The following FMO5 variants were observed in gnomAD, a reference collection of about 807,000 sequenced individuals.
FMO5 encodes the protein flavin containing dimethylaniline monoxygenase 5.
FMO5 carries 51 observed loss-of-function variants against 43.6 expected under a neutral mutation model. The observed-to-expected ratio is 1.17, with a 90% CI of 0.93 to 1.48. The LOEUF is 1.48. Among genes scored for constraint, FMO5 ranks in the 40% most tolerant of loss-of-function variants. FMO5 has a pLI of 0.00. For synonymous variants in FMO5, 187 were observed against 216.5 expected, an observed-to-expected ratio of 0.86 and a Z score of 1.20; for missense variants, 644 against 643.0, an observed-to-expected ratio of 1.00 and a Z score of -0.02.
chr1:147,213,151 T>C (rs1190222243), intron 4 of FMO5, among the ~76,000 whole-genome samples, 157 bp downstream of exon 4: 1 of 152,134 alleles, frequency 6.6e-6, no homozygotes, highest in African/African-American at 2.4e-5. Context: ...ATGGCAGTAA[T>C]ACAAGTTACC....
intron 6 of FMO5, among the ~76,000 whole-genome samples, chr1:147,208,102 T>G (rs1553922818): frequency 6.6e-6 from 1 of 152,204 alleles, no homozygotes; most frequent in African/African-American, 2.4e-5. Context: ...TGCATGTAAC[T>G]CATTTAGCAC....
At chr1:147,213,093 A>G (rs781998961) in intron 4 of FMO5, among the ~76,000 whole-genome samples, 2 of 152,226 alleles carry the variant, frequency 1.3e-5, no homozygotes, top group Non-Finnish European at 2.9e-5. Context: ...AAGTCATTGT[A>G]AAACTAAATA....
rs1553923091 is a variant in FMO5, at chr1:147,208,971, A to G, written c.711T>C (p.Ser237=). The G allele has an allele frequency of 6.2e-7, 1 of 1,613,580 alleles. No homozygotes were observed. Among genetic ancestry groups the G allele is most frequent in the South Asian group, 1.1e-5 (1 of 91,062 alleles). Residue 237 remains serine, a synonymous_variant, in exon 6 of 9, where the codon TCT becomes TCC. Transcript: ENST00000254090. ...TCCATATAAAATGTGTAAGTCGAGA[A>G]GAGAACAACACATCAGCAGGATATC... ...DYGYPADVLF[S]SRLTHFIWKI... is the part of the protein sequence containing the mutation.
intron 2 of FMO5, among the ~76,000 whole-genome samples, chr1:147,220,944 CAAA>C (rs11287039): frequency 7.3e-6 from 1 of 137,344 alleles, no homozygotes; most frequent in Non-Finnish European, 1.6e-5. Context: ...TTTAAGTTTC[CAAA>C]AAAAAAAAAA....
At chr1:147,188,630 A>C (rs1308305524) in intron 8 of FMO5, among the ~76,000 whole-genome samples, 2 of 151,786 alleles carry the variant, frequency 1.3e-5, no homozygotes, top group Admixed American at 6.6e-5. Context: ...CATATAAAAC[A>C]ATGTATACAC....
intron 4 of FMO5, among the ~76,000 whole-genome samples, chr1:147,212,919 A>T (rs1021868941): frequency 0.054 from 7,345 of 136,334 alleles, 266 homozygotes; most frequent in South Asian, 0.1. Context: ...TTTTTTTTTT[A>T]AAATGAAAAT....
intron 6 of FMO5, chr1:147,205,017 T>C (rs1219905182): frequency 4.0e-6 from 3 of 757,320 alleles, no homozygotes; most frequent in African/African-American, 1.7e-5. Flanking sequence ...AACCTGGAGA[T>C]ACATTCAGTC....
intron 6 of FMO5, among the ~76,000 whole-genome samples, chr1:147,201,811 G>A (rs1553921065): frequency 2.6e-5 from 4 of 152,142 alleles, no homozygotes; most frequent in Non-Finnish European, 5.9e-5. Context: ...AAGGCCACAG[G>A]TCAATAGTTT....
intron 7 of FMO5, 90 bp downstream of exon 7, chr1:147,201,062 A>G (rs1190651236): frequency 4.5e-6 from 4 of 887,676 alleles, no homozygotes; most frequent in Non-Finnish European, 5.3e-6. Context: ...GTAATCATAC[A>G]TGCTATCTCT....
chr1:147,224,836 C>T, intron 2 of FMO5, 59 bp downstream of exon 2: 1 of 1,534,024 alleles, frequency 6.5e-7, no homozygotes. Flanking sequence ...GATAAACTGT[C>T]GTATGCACCT....
At chr1:147,192,118 C>G (rs1486587447) in intron 7 of FMO5, among the ~76,000 whole-genome samples, 1 of 152,068 alleles carries the variant, frequency 6.6e-6, no homozygotes, top group Non-Finnish European at 1.5e-5. Flanking sequence ...GCCATTTTCA[C>G]GATATTGATT....
rs782121441 is a variant in FMO5 at position 147,187,066 on chromosome 1, C to A, written c.1436G>T (p.Gly479Val). 2 of 1,614,138 alleles carry A rather than the reference C, an allele frequency of 1.2e-6. No individual in the cohort carries two copies. Among genetic ancestry groups the A allele is most frequent in the Non-Finnish European group, 8.5e-7 (1 of 1,180,034 alleles). Residue 479 changes from glycine to valine, a missense_variant, in exon 9 of 9, where the codon GGA becomes GTA. Coordinates refer to ENST00000254090, the MANE Select transcript of FMO5 (RefSeq NM_001461.4). ...AGCTTTTCGAGCCCCATCCCACTTTCCAGGGCCCTGTACACGATAGTGGAT... is the reference window on the plus strand; with the variant it reads ...AGCTTTTCGAGCCCCATCCCACTTTACAGGGCCCTGTACACGATAGTGGAT... ...TPIHYRVQGP[G>V]KWDGARKAIL...
chr1:147,213,261 G>A (rs782601954), intron 4 of FMO5, 47 bp downstream of exon 4: 1 of 1,503,808 alleles, frequency 6.6e-7, no homozygotes, highest in South Asian at 1.3e-5. Flanking sequence ...TCAGGGGTCA[G>A]GTCACAGGCA....
chr1:147,207,208 G>A lies in FMO5; in HGVS notation c.830+1644C>T, dbSNP rs375507447. On this transcript the variant is annotated intron_variant, in intron 6 of 8. Transcript: ENST00000254090. ...TTTAAAGTGTCTTAATGACTGCAACGTACTCAAATGGTTTCAGAAAAAAAT... is the reference window on the plus strand; with the variant it reads ...TTTAAAGTGTCTTAATGACTGCAACATACTCAAATGGTTTCAGAAAAAAAT... Among the ~76,000 whole-genome samples the A allele has an allele frequency of 2.6e-5, 4 of 151,970 alleles. No individual in the cohort carries two copies. In the East Asian group the frequency reaches 5.8e-4, roughly 22 times the overall value.
chr1:147,213,917 T>C (rs1232713997), intron 3 of FMO5, among the ~76,000 whole-genome samples: 2 of 152,172 alleles, frequency 1.3e-5, no homozygotes, highest in African/African-American at 4.8e-5. Context: ...GCTATAGGGC[T>C]CCTTTTCCTG....
At chr1:147,205,998 A>C (rs1185108859) in intron 6 of FMO5, among the ~76,000 whole-genome samples, 1 of 151,954 alleles carries the variant, frequency 6.6e-6, no homozygotes, top group Non-Finnish European at 1.5e-5. Context: ...AATGGGAGAA[A>C]ATTTTTGCAA....
At chr1:147,204,783 A>G in intron 6 of FMO5, 3 of 1,584,138 alleles carry the variant, frequency 1.9e-6, no homozygotes, top group East Asian at 2.2e-5. Context: ...TTTTCATTCC[A>G]TTTCGTCCAT....
intron 7 of FMO5, among the ~76,000 whole-genome samples, chr1:147,192,876 C>A (rs879986228): frequency 2.0e-5 from 3 of 152,026 alleles, no homozygotes; most frequent in Non-Finnish European, 4.4e-5. Flanking sequence ...TTGATCATGG[C>A]AGATAAGCTT....
At chr1:147,185,370 C>T (rs112137034), downstream of FMO5, among the ~76,000 whole-genome samples, 1 of 151,976 alleles carries the variant, frequency 6.6e-6, no homozygotes, top group Non-Finnish European at 1.5e-5. Context: ...TAAAAGGAAG[C>T]AAGAGACATT....
Sources: gnomAD v4.1 joint callset for allele counts (sites outside exome capture counted in the v4.1 genomes callset) on GRCh38, gnomAD v4.1.1 for gene constraint, MANE v1.5 for transcripts, NCBI Gene and HGNC (gene_info 2026-07-23, HGNC 2026-07-21) for gene names.